EGFLAM: variants seen among roughly 807,000 people sequenced by gnomAD.
EGFLAM encodes the protein EGF like, fibronectin type III and laminin G domains.
EGFLAM carries 79 observed loss-of-function variants against 113.1 expected under a neutral mutation model. The ratio of observed to expected loss-of-function variants is 0.70; its 90% CI spans 0.58 to 0.84. EGFLAM has a LOEUF of 0.84. Ranked by LOEUF, EGFLAM falls within the 40% of genes least tolerant of loss-of-function variation. EGFLAM has a pLI of 0.00. For synonymous variants in EGFLAM, 504 were observed against 487.6 expected (o/e 1.03, Z -0.44); for missense variants, 1,265 against 1,291.6 (o/e 0.98, Z 0.32).
At chr5:38,428,803 A>AT (rs922159160) in intron 14 of EGFLAM, among the ~76,000 whole-genome samples, 13 of 151,702 alleles carry the variant, frequency 8.6e-5, no homozygotes, top group South Asian at 4.2e-4. Context: ...GGTGCTTTTA[A>AT]TTTTTTTTTG....
At chr5:38,332,134 G>A (rs764495042) in intron 1 of EGFLAM, among the ~76,000 whole-genome samples, 24 of 152,176 alleles carry the variant, frequency 1.6e-4, no homozygotes, top group Non-Finnish European at 3.2e-4. Flanking sequence ...GGCATACAGG[G>A]ATGGTATCTC....
At chr5:38,391,135 T>C (rs572866207) in intron 6 of EGFLAM, among the ~76,000 whole-genome samples, 17 of 152,280 alleles carry the variant, frequency 1.1e-4, no homozygotes, top group Admixed American at 1.1e-3. Flanking sequence ...ATATTTAGGG[T>C]GTTAATCCAC....
chr5:38,400,280 G>A (rs1031855971), intron 6 of EGFLAM, among the ~76,000 whole-genome samples: 1 of 152,010 alleles, frequency 6.6e-6, no homozygotes, highest in African/African-American at 2.4e-5. Context: ...CAAAGCACAG[G>A]TTTTTTTATA....
At chr5:38,446,861 T>C (rs1312126807) in intron 17 of EGFLAM, among the ~76,000 whole-genome samples, 1 of 149,908 alleles carries the variant, frequency 6.7e-6, no homozygotes, top group Non-Finnish European at 1.5e-5. Flanking sequence ...TTTTTTATGT[T>C]TGAAGGTTAA....
intron 1 of EGFLAM, among the ~76,000 whole-genome samples, chr5:38,313,857 A>G (rs935139653): frequency 3.9e-5 from 6 of 152,200 alleles, no homozygotes; most frequent in Admixed American, 3.3e-4. Flanking sequence ...TATGCACCAT[A>G]AAATGTTTTT....
chr5:38,410,926 T>C (rs1741457646), intron 10 of EGFLAM, among the ~76,000 whole-genome samples: 1 of 152,220 alleles, frequency 6.6e-6, no homozygotes, highest in African/African-American at 2.4e-5. Context: ...GGAAACACAG[T>C]GACTTGCATT....
At chr5:38,264,281 G>A (rs1757576714) in intron 1 of EGFLAM, among the ~76,000 whole-genome samples, 1 of 152,156 alleles carries the variant, frequency 6.6e-6, no homozygotes, top group Non-Finnish European at 1.5e-5. Flanking sequence ...CAGAGTTCAA[G>A]GTTTTCCCTG....
At chr5:38,276,986 AAAG>A (rs1483357911) in intron 1 of EGFLAM, among the ~76,000 whole-genome samples, 1 of 152,224 alleles carries the variant, frequency 6.6e-6, no homozygotes, top group Non-Finnish European at 1.5e-5. Context: ...CCATACATTT[AAAG>A]AAGAACTAAT....
intron 4 of EGFLAM, among the ~76,000 whole-genome samples, chr5:38,350,951 G>C (rs762903825): frequency 3.3e-5 from 5 of 152,126 alleles, no homozygotes; most frequent in Non-Finnish European, 5.9e-5. Context: ...GAAGGGGAGT[G>C]GGAGAAGAGA....
intron 6 of EGFLAM, among the ~76,000 whole-genome samples, chr5:38,391,785 C>G (rs1740819419): frequency 6.6e-6 from 1 of 151,434 alleles, no homozygotes; most frequent in Non-Finnish European, 1.5e-5. Context: ...AATGCCTTTT[C>G]TTTTTTTTGC....
At chr5:38,438,154 T>A in intron 16 of EGFLAM, 121 bp from the exon 17 acceptor site, 2 of 1,031,596 alleles carry the variant, frequency 1.9e-6, no homozygotes, top group Non-Finnish European at 1.3e-6. Flanking sequence ...GAAACTGGAC[T>A]TAAAAAAATT....
rs35458918 is a variant in EGFLAM, at chr5:38,388,759, C to CA, written c.713-17349dup. ...TGGGCAACAGAGTGAGACTCTGTCA[C>CA]AAAAAAAAAAAAAAAAAAGTTAGCT... On this transcript the variant is annotated intron_variant, in intron 6 of 21. Coordinates refer to ENST00000322350, the MANE Select transcript of EGFLAM (RefSeq NM_152403.4). 4.9e-3 allele frequency among the ~76,000 whole-genome samples: 493 copies of CA among 101,064 alleles called. 36 individuals carry two copies. Among genetic ancestry groups the CA allele is most frequent in the African/African-American group, 9.8e-3 (303 of 30,982 alleles). The allele number at this position is 101,064 out of a possible 152,430, so 66.3% of individuals were successfully genotyped here.
intron 1 of EGFLAM, among the ~76,000 whole-genome samples, chr5:38,335,313 GA>G (rs1739155968): frequency 6.6e-6 from 1 of 152,158 alleles, no homozygotes; most frequent in Admixed American, 6.6e-5. Context: ...TTTTACCAGC[GA>G]TATTTTGATA....
chr5:38,436,240 G>C (rs1742345615), intron 16 of EGFLAM, among the ~76,000 whole-genome samples: 1 of 152,160 alleles, frequency 6.6e-6, no homozygotes, highest in Non-Finnish European at 1.5e-5. Flanking sequence ...CAAACACTGG[G>C]AGAACAAGGA....
intron 2 of EGFLAM, 76 bp downstream of exon 2, chr5:38,337,705 T>C: frequency 8.1e-7 from 1 of 1,233,830 alleles, no homozygotes; most frequent in Non-Finnish European, 1.1e-6. Context: ...TTGCTTTTTC[T>C]AGATATCTGT....
At chr5:38,269,875 G>T (rs1394015096) in intron 1 of EGFLAM, among the ~76,000 whole-genome samples, 1 of 152,172 alleles carries the variant, frequency 6.6e-6, no homozygotes, top group Non-Finnish European at 1.5e-5. Flanking sequence ...CAGGGCTGAT[G>T]ACTTAACAAA....
At chr5:38,312,857 G>A (rs1446851239) in intron 1 of EGFLAM, among the ~76,000 whole-genome samples, 1 of 152,172 alleles carries the variant, frequency 6.6e-6, no homozygotes, top group Non-Finnish European at 1.5e-5. Flanking sequence ...GGAGGTGGAG[G>A]TGGGTGGATC....
chr5:38,283,039 G>C (rs1456232119), intron 1 of EGFLAM, among the ~76,000 whole-genome samples: 1 of 152,116 alleles, frequency 6.6e-6, no homozygotes, highest in Non-Finnish European at 1.5e-5. Context: ...ATTTTTAGTA[G>C]AGACGAGGTC....
rs115288276 is a variant in EGFLAM at position 38,277,794 on chromosome 5, A to T, written c.97+18943A>T. Among the ~76,000 whole-genome samples, 904 of 152,310 alleles carry T rather than the reference A, an allele frequency of 5.9e-3. 7 individuals carry two copies. Among genetic ancestry groups the T allele is most frequent in the African/African-American group, 0.021 (864 of 41,584 alleles). ...TCAAAAAAAATCTTGTGTATAATAGATACAAAAATTGAAATACTGAGGAAT... is the reference window on the plus strand; with the variant it reads ...TCAAAAAAAATCTTGTGTATAATAGTTACAAAAATTGAAATACTGAGGAAT... On this transcript the variant is annotated intron_variant, in intron 1 of 21. Coordinates refer to ENST00000322350, the MANE Select transcript of EGFLAM (RefSeq NM_152403.4).
Sources: allele counts gnomAD v4.1 joint callset (sites outside exome capture counted in the v4.1 genomes callset), GRCh38; gene constraint gnomAD v4.1.1; transcripts MANE v1.5; gene names NCBI Gene and HGNC (gene_info 2026-07-23, HGNC 2026-07-21).